Variants in ACADSB observed in about 807,000 individuals in gnomAD.
The protein encoded by ACADSB is acyl-CoA dehydrogenase short/branched chain.
ACADSB carries 40 observed loss-of-function variants against 54.1 expected under a neutral mutation model. The observed-to-expected ratio is 0.74, with a 90% CI of 0.57 to 0.96. The LOEUF (loss-of-function observed/expected upper bound fraction) is 0.96, where lower values mean the gene tolerates loss of function less well. ACADSB is among the 40% of genes least tolerant of loss of function. The pLI, the probability that ACADSB is intolerant of heterozygous loss-of-function variation, is 0.00. For synonymous variants in ACADSB, 182 were observed against 182.8 expected, an observed-to-expected ratio of 1.00 and a Z score of 0.03; for missense variants, 530 against 510.4, an observed-to-expected ratio of 1.04 and a Z score of -0.37.
intron 7 of ACADSB, 40 bp from the exon 8 acceptor site, chr10:123,047,169 C>G (rs1370849511): frequency 3.4e-6 from 5 of 1,481,336 alleles, no homozygotes. Flanking sequence ...AAACTTATAA[C>G]AAAATAAGAA....
At chr10:123,015,680 C>T (rs1168524443) in intron 1 of ACADSB, among the ~76,000 whole-genome samples, 2 of 152,216 alleles carry the variant, frequency 1.3e-5, no homozygotes. Context: ...AACTATTTGC[C>T]ATACTCAGTT....
chr10:123,026,303 G>A (rs910908969), intron 1 of ACADSB, among the ~76,000 whole-genome samples: 2 of 152,146 alleles, frequency 1.3e-5, no homozygotes, highest in African/African-American at 4.8e-5. Context: ...AAATACAACT[G>A]CCTGTGTAAA....
intron 1 of ACADSB, among the ~76,000 whole-genome samples, chr10:123,033,329 C>T (rs1332497562): frequency 6.6e-6 from 1 of 152,202 alleles, no homozygotes; most frequent in East Asian, 1.9e-4. Flanking sequence ...GACCAACATG[C>T]AGCAAAGATT....
intron 5 of ACADSB, among the ~76,000 whole-genome samples, chr10:123,042,181 G>T (rs1377113802): frequency 6.6e-6 from 1 of 151,924 alleles, no homozygotes; most frequent in Non-Finnish European, 1.5e-5. Context: ...GGCCAGGCTG[G>T]TCTCAAACTC....
At chr10:123,034,313 G>A (rs1850367403) in intron 1 of ACADSB, 43 bp from the exon 2 acceptor site, 2 of 1,590,114 alleles carry the variant, frequency 1.3e-6, no homozygotes, top group African/African-American at 1.3e-5. Context: ...CAAAGAAAAT[G>A]ATATTCAAGT....
At chr10:123,050,359 C>T (rs1466928857) in intron 8 of ACADSB, among the ~76,000 whole-genome samples, 1 of 152,192 alleles carries the variant, frequency 6.6e-6, no homozygotes, top group Admixed American at 6.5e-5. Flanking sequence ...GCGGTGCCTG[C>T]CATCTCAGAG....
chr10:123,025,952 G>T (rs775681305), intron 1 of ACADSB, among the ~76,000 whole-genome samples: 2 of 151,966 alleles, frequency 1.3e-5, no homozygotes, highest in African/African-American at 4.8e-5. Context: ...TCCCAGCTAC[G>T]CAGGAGGCTG....
intron 4 of ACADSB, 82 bp from the exon 5 acceptor site, chr10:123,041,127 A>G: frequency 2.1e-6 from 3 of 1,427,778 alleles, no homozygotes; most frequent in Non-Finnish European, 2.0e-6. Context: ...TTGATTTACA[A>G]ATGTCCATTT....
Position 123,051,188 on chromosome 10 carries a change from T to TAAA in ACADSB, c.1128+24_1128+26dup, listed in dbSNP as rs10571424. 1.4e-3 allele frequency: 1,446 copies of TAAA among 1,016,258 alleles called. 1 individual carries two copies. The highest frequency in any genetic ancestry group is 6.5e-3 in the African/African-American group (232 of 35,692). 63.0% of individuals were successfully genotyped at this position (1,016,258 alleles called of 1,614,324 possible). On this transcript the variant is annotated splice_region_variant and intron_variant, in intron 9 of 10. Coordinates refer to ENST00000358776, the MANE Select transcript of ACADSB (RefSeq NM_001609.4). ...ATGGCCAAATACTATGCATCAGAGG[T>TAAA]AAAAAAAAAAAAAAAAAAAAAAAAG...
chr10:123,009,014 G>A lies in ACADSB; in HGVS notation c.-16G>A. Reference sequence around the variant, plus strand: ...TAGAGACCCAGAGGCGCAGAGCGGAGAGGCCTGCGGCGAGGATGGAGGGCC... The same window carrying A: ...TAGAGACCCAGAGGCGCAGAGCGGAAAGGCCTGCGGCGAGGATGGAGGGCC... On this transcript the variant is annotated 5_prime_UTR_variant, in exon 1 of 11. Transcript: ENST00000358776. 6.5e-7 allele frequency: 1 copy of A among 1,547,756 alleles called. No individual in the cohort carries two copies. Among genetic ancestry groups the A allele is most frequent in the Non-Finnish European group, 8.7e-7 (1 of 1,146,826 alleles).
At chr10:123,009,561 A>G (rs1849976773) in intron 1 of ACADSB, among the ~76,000 whole-genome samples, 1 of 152,186 alleles carries the variant, frequency 6.6e-6, no homozygotes, top group African/African-American at 2.4e-5. Context: ...GGCCCCGCTC[A>G]AAGGTAGTAA....
chr10:123,031,645 G>A (rs1291150670), intron 1 of ACADSB, among the ~76,000 whole-genome samples: 1 of 152,150 alleles, frequency 6.6e-6, no homozygotes, highest in African/African-American at 2.4e-5. Flanking sequence ...TTAATAAATG[G>A]AAAATTTTTT....
rs537044432 is a variant in ACADSB, at chr10:123,057,361, C to A, written c.*3596C>A. ...GTTAATATATGCACCTACCTTCTTC[C>A]GTTAGTGCATCAGTAAATGTGTTAT... On this transcript the variant is annotated 3_prime_UTR_variant, in exon 11 of 11. Transcript: ENST00000358776. 1 of 152,148 alleles carries A rather than the reference C, an allele frequency of 6.6e-6. No homozygotes were observed. The highest frequency in any genetic ancestry group is 2.1e-4 in the South Asian group (1 of 4,836). 9.4% of individuals were successfully genotyped at this position (152,148 alleles called of 1,614,324 possible). A position where few individuals can be genotyped will look rare whatever the true frequency, so the allele number is the denominator to read the frequency against.
chr10:123,034,277 A>G (rs1850366058), intron 1 of ACADSB, 79 bp from the exon 2 acceptor site: 4 of 1,465,764 alleles, frequency 2.7e-6, no homozygotes, highest in South Asian at 2.3e-5. Context: ...GACATGAAAT[A>G]TAAGAATGGG....
chr10:123,026,153 A>C (rs889323890), intron 1 of ACADSB, among the ~76,000 whole-genome samples: 20 of 152,190 alleles, frequency 1.3e-4, no homozygotes, highest in African/African-American at 4.8e-4. Context: ...AAATATTAAA[A>C]CAGCATACTG....
Position 123,040,685 on chromosome 10 carries a change from G to A in ACADSB, c.510+13G>A. The A allele has an allele frequency of 6.2e-7, 1 of 1,601,694 alleles. No individual in the cohort carries two copies. The highest frequency in any genetic ancestry group is 8.6e-7 in the Non-Finnish European group (1 of 1,168,816). ...CACTACAGAAAAAGTGAGTTGAGAT[G>A]AATTGTTGATCTAATGGATCTAATC... On this transcript the variant is annotated intron_variant, in intron 4 of 10. Coordinates refer to ENST00000358776, the MANE Select transcript of ACADSB (RefSeq NM_001609.4).
intron 8 of ACADSB, 83 bp downstream of exon 8, chr10:123,047,381 G>A: frequency 9.9e-7 from 1 of 1,008,910 alleles, no homozygotes; most frequent in Non-Finnish European, 1.6e-6. Context: ...ATCCATGGAG[G>A]GAATCCCTTC....
At chr10:123,020,918 G>A (rs187586855) in intron 1 of ACADSB, among the ~76,000 whole-genome samples, 114 of 152,288 alleles carry the variant, frequency 7.5e-4, no homozygotes, top group African/African-American at 2.5e-3. Flanking sequence ...CAGGAGACTC[G>A]CTTGAACCCG....
intron 1 of ACADSB, among the ~76,000 whole-genome samples, chr10:123,034,105 C>T (rs1331888923): frequency 6.6e-6 from 1 of 152,176 alleles, no homozygotes; most frequent in Non-Finnish European, 1.5e-5. Flanking sequence ...TGAGAAAGTT[C>T]TGTCTCCTTG....
Sources: allele counts gnomAD v4.1 joint callset (sites outside exome capture counted in the v4.1 genomes callset), GRCh38; gene constraint gnomAD v4.1.1; transcripts MANE v1.5; gene names NCBI Gene and HGNC (gene_info 2026-07-23, HGNC 2026-07-21).